The following PTP4A3 variants were observed in gnomAD, a reference collection of about 807,000 sequenced individuals.
PTP4A3 encodes protein tyrosine phosphatase 4A3.
PTP4A3 carries 9 observed loss-of-function variants against 15.2 expected under a neutral mutation model. That is an observed-to-expected ratio of 0.59 (90% CI 0.36 to 1.03). The LOEUF (loss-of-function observed/expected upper bound fraction) is 1.03, where lower values mean the gene tolerates loss of function less well. Ranked by LOEUF, PTP4A3 falls within the 50% of genes least tolerant of loss-of-function variation. The pLI is 0.02. For synonymous variants in PTP4A3, 95 were observed against 102.0 expected (o/e 0.93, Z 0.41); for missense variants, 234 against 252.1 (o/e 0.93, Z 0.49).
At position 141,408,082 on chromosome 8, in the gene PTP4A3, G is replaced by A. The variant is rs191625790; in HGVS notation, c.-853-13306G>A. Among the ~76,000 whole-genome samples, 606 of 152,318 alleles carry A rather than the reference G, an allele frequency of 4.0e-3. 7 individuals carry two copies. Among genetic ancestry groups the A allele is most frequent in the African/African-American group, 0.014 (583 of 41,568 alleles). ...GGCTGCGCCGTGGCTGAGCCTTTAC[G>A]ACGCCAGGAGAAGCGAAAGGAACCA... is the stretch of plus-strand genomic sequence containing the variant. On this transcript the variant is annotated intron_variant, in intron 1 of 5. Transcript: ENST00000521578.
In PTP4A3 at chr8:141,408,084, C is replaced by T. The variant is rs530190750; in HGVS notation, c.-853-13304C>T. 9.2e-5 allele frequency among the ~76,000 whole-genome samples: 14 copies of T among 152,232 alleles called. No homozygotes were observed. In the East Asian group the frequency reaches 1.2e-3, roughly 13 times the overall value. On this transcript the variant is annotated intron_variant, in intron 1 of 5. Coordinates refer to ENST00000521578, the MANE Select transcript of PTP4A3 (RefSeq NM_032611.3). ...CTGCGCCGTGGCTGAGCCTTTACGA[C>T]GCCAGGAGAAGCGAAAGGAACCAGG...
At chr8:141,394,408 C>T (rs958353643) in intron 1 of PTP4A3, among the ~76,000 whole-genome samples, 2 of 152,276 alleles carry the variant, frequency 1.3e-5, no homozygotes, top group African/African-American at 2.4e-5. Context: ...CACCCCAGGG[C>T]GCTTTCTCAC....
chr8:141,415,611 C>A lies in PTP4A3; in HGVS notation c.-853-5777C>A, dbSNP rs1279358630. Reference sequence around the variant, plus strand: ...CATGACTCCGGGTGGGCCCTTTTGACGTGCGCGGAGGGCGGGGGGCAGGGG... The same window carrying A: ...CATGACTCCGGGTGGGCCCTTTTGAAGTGCGCGGAGGGCGGGGGGCAGGGG... On this transcript the variant is annotated intron_variant, in intron 1 of 5. Coordinates refer to ENST00000521578, the MANE Select transcript of PTP4A3 (RefSeq NM_032611.3). Among the ~76,000 whole-genome samples, 8 of 66,480 alleles carry A rather than the reference C, an allele frequency of 1.2e-4. No homozygotes were observed. The East Asian group carries it at 3.8e-3, about 31-fold the overall frequency. 43.6% of individuals were successfully genotyped at this position (66,480 alleles called of 152,430 possible). A position where few individuals can be genotyped will look rare whatever the true frequency, so the allele number is the denominator to read the frequency against.
chr8:141,424,193 C>T (rs2130221319), intron 2 of PTP4A3, among the ~76,000 whole-genome samples: 1 of 152,284 alleles, frequency 6.6e-6, no homozygotes, highest in South Asian at 2.1e-4. Context: ...AGGTCCCTGT[C>T]CCGTGACCAG....
chr8:141,420,234 C>T lies in PTP4A3; in HGVS notation c.-853-1154C>T, dbSNP rs1833264627. Among the ~76,000 whole-genome samples the T allele has an allele frequency of 2.0e-5, 3 of 152,100 alleles. No homozygotes were observed. In the South Asian group the frequency reaches 6.2e-4, roughly 31 times the overall value. On this transcript the variant is annotated intron_variant, in intron 1 of 5. Transcript: ENST00000521578. ...AGCAGGCAGTAGTGACAGGGCCGGG[C>T]TTGGGTTGAGTCTAGGGGGCTGGAG...
At chr8:141,415,657 G>T (rs1438594004) in intron 1 of PTP4A3, among the ~76,000 whole-genome samples, 4 of 3,626 alleles carry the variant, frequency 1.1e-3, no homozygotes, top group African/African-American at 4.2e-3. Context: ...GGGGCAGGGG[G>T]CAGGGGTGGT....
chr8:141,397,665 C>T (rs1276220013), intron 1 of PTP4A3, among the ~76,000 whole-genome samples: 1 of 152,220 alleles, frequency 6.6e-6, no homozygotes, highest in East Asian at 1.9e-4. Context: ...CTGAGTGCCT[C>T]GGTGGCTGTG....
chr8:141,426,163 C>G (rs1586566911), intron 3 of PTP4A3, among the ~76,000 whole-genome samples: 1 of 152,146 alleles, frequency 6.6e-6, no homozygotes. Context: ...CCTCAGTGGG[C>G]CCAGCGGGCT....
At chr8:141,424,436 C>T (rs1336559554) in intron 2 of PTP4A3, among the ~76,000 whole-genome samples, 1 of 152,158 alleles carries the variant, frequency 6.6e-6, no homozygotes, top group African/African-American at 2.4e-5. Context: ...ACCCTCCCTG[C>T]TCTGAGGCGC....
intron 5 of PTP4A3, among the ~76,000 whole-genome samples, chr8:141,430,090 A>G (rs1295263954): frequency 7.1e-6 from 1 of 141,106 alleles, no homozygotes; most frequent in African/African-American, 2.8e-5. Context: ...CGCTGTAAGG[A>G]CCAGGTGGCG....
rs1005218527 is a variant in PTP4A3, at chr8:141,422,142, G to A, written c.-99G>A. The A allele has an allele frequency of 7.5e-5, 85 of 1,135,880 alleles. No individual in the cohort carries two copies. Among genetic ancestry groups the A allele is most frequent in the South Asian group, 2.6e-4 (20 of 75,658 alleles). The allele number at this position is 1,135,880 out of a possible 1,614,324, so 70.4% of individuals were successfully genotyped here. On this transcript the variant is annotated 5_prime_UTR_variant, in exon 2 of 6. Transcript: ENST00000521578. ...TCTCTTGGACAAGCACAGGGATCTC[G>A]TTCTCCTCATTTTTTGGGGGTGTGT...
chr8:141,417,692 G>A (rs1393969594), intron 1 of PTP4A3, among the ~76,000 whole-genome samples: 2 of 152,052 alleles, frequency 1.3e-5, no homozygotes, highest in Non-Finnish European at 2.9e-5. Flanking sequence ...GGTCCCGGGC[G>A]GCAGCGCCCC....
chr8:141,419,641 G>A lies in PTP4A3; in HGVS notation c.-853-1747G>A, dbSNP rs554569189. Among the ~76,000 whole-genome samples, 514 of 149,608 alleles carry A rather than the reference G, an allele frequency of 3.4e-3. 2 individuals carry two copies. Among genetic ancestry groups the A allele is most frequent in the Admixed American group, 5.8e-3 (86 of 14,822 alleles). On this transcript the variant is annotated intron_variant, in intron 1 of 5. Transcript: ENST00000521578. ...GGCTAGAGGGCAATGGAGCGATCTC[G>A]GCTCACTGCAACCTCTGCCTCCAGG...
chr8:141,429,666 A>AG (rs67995438), intron 5 of PTP4A3, among the ~76,000 whole-genome samples: 20,652 of 48,078 alleles, frequency 0.43, 7,545 homozygotes, highest in African/African-American at 0.64. Context: ...CACACAGTCC[A>AG]GTCCCCGCTG....
intron 2 of PTP4A3, among the ~76,000 whole-genome samples, chr8:141,423,067 G>A (rs1256290040): frequency 6.6e-6 from 1 of 152,258 alleles, no homozygotes. Flanking sequence ...ACTGTGCCAG[G>A]CTGTGTGAGA....
intron 5 of PTP4A3, among the ~76,000 whole-genome samples, chr8:141,428,767 C>T (rs187112237): frequency 2.6e-5 from 4 of 152,258 alleles, no homozygotes; most frequent in Admixed American, 1.3e-4. Flanking sequence ...CATTCACAAG[C>T]ACATGTGTGC....
intron 1 of PTP4A3, among the ~76,000 whole-genome samples, chr8:141,420,732 G>T (rs955180734): frequency 2.6e-5 from 4 of 152,244 alleles, no homozygotes; most frequent in Admixed American, 2.6e-4. Context: ...TGGAGACACA[G>T]TGGCGGGGGG....
chr8:141,420,845 T>A (rs1338992231), intron 1 of PTP4A3, among the ~76,000 whole-genome samples: 1 of 152,020 alleles, frequency 6.6e-6, no homozygotes, highest in African/African-American at 2.4e-5. Flanking sequence ...GCCCCTCACC[T>A]CCCTGTGCTG....
intron 1 of PTP4A3, among the ~76,000 whole-genome samples, chr8:141,398,315 T>C (rs1271038425): frequency 6.6e-6 from 1 of 152,200 alleles, no homozygotes; most frequent in Admixed American, 6.5e-5. Flanking sequence ...ACTCCCTGAT[T>C]GCTTGGTTCT....
Sources: allele counts gnomAD v4.1 joint callset (sites outside exome capture counted in the v4.1 genomes callset), GRCh38; gene constraint gnomAD v4.1.1; transcripts MANE v1.5; gene names NCBI Gene and HGNC (gene_info 2026-07-23, HGNC 2026-07-21).